SLC39A11: variants seen among roughly 807,000 people sequenced by gnomAD.
The protein encoded by SLC39A11 is zinc transporter ZIP11.
SLC39A11 carries 33 observed loss-of-function variants against 36.1 expected under a neutral mutation model. The observed-to-expected ratio is 0.91, with a 90% CI of 0.69 to 1.22. SLC39A11 has a LOEUF of 1.22. SLC39A11 is among the 50% of genes most tolerant of loss of function. The pLI is 0.00. For synonymous variants in SLC39A11, 166 were observed against 170.3 expected, an observed-to-expected ratio of 0.97 and a Z score of 0.20; for missense variants, 432 against 430.3, an observed-to-expected ratio of 1.00 and a Z score of -0.03.
chr17:72,869,255 A>T (rs528292666), intron 5 of SLC39A11, among the ~76,000 whole-genome samples: 1 of 152,366 alleles, frequency 6.6e-6, no homozygotes, highest in Non-Finnish European at 1.5e-5. Context: ...GCTTTTGACA[A>T]GGTGTCCATC....
chr17:72,763,901 G>A (rs1472458819), intron 6 of SLC39A11, among the ~76,000 whole-genome samples: 1 of 152,114 alleles, frequency 6.6e-6, no homozygotes, highest in Non-Finnish European at 1.5e-5. Flanking sequence ...CCATCCAGAT[G>A]AACCCAGCTC....
chr17:72,662,309 A>G (rs2070463591), intron 7 of SLC39A11, among the ~76,000 whole-genome samples: 1 of 151,238 alleles, frequency 6.6e-6, no homozygotes, highest in Non-Finnish European at 1.5e-5. Flanking sequence ...GGAAAGGAAG[A>G]AAGAAAAGAG....
At chr17:72,951,777 G>A (rs2085881487) in intron 4 of SLC39A11, among the ~76,000 whole-genome samples, 2 of 152,042 alleles carry the variant, frequency 1.3e-5, no homozygotes, top group South Asian at 4.1e-4. Flanking sequence ...ATTATTAACT[G>A]TAAAGACAGT....
chr17:72,789,264 A>T (rs1598742781), intron 6 of SLC39A11, among the ~76,000 whole-genome samples: 1 of 151,978 alleles, frequency 6.6e-6, no homozygotes. Context: ...CAAACTCCTG[A>T]CCTCGTGATC....
intron 5 of SLC39A11, among the ~76,000 whole-genome samples, chr17:72,904,512 C>T (rs1373041532): frequency 2.2e-4 from 33 of 152,206 alleles, no homozygotes; most frequent in Admixed American, 2.2e-3. Context: ...GACACAGCCA[C>T]TCTGAGCAGG....
At chr17:72,970,535 T>C (rs8067474) in intron 4 of SLC39A11, among the ~76,000 whole-genome samples, 8,812 of 152,142 alleles carry the variant, frequency 0.058, 275 homozygotes, top group African/African-American at 0.078. Context: ...AGAAAACATA[T>C]AATAAGCCCC....
chr17:72,915,670 C>T lies in SLC39A11; in HGVS notation c.430+32082G>A, dbSNP rs569985385. Reference sequence around the variant, plus strand: ...CGGGTGTTTAGCTCATATGCTAGCACCTTGGGAATCCTGGCAGTGGGCGAA... The same window carrying T: ...CGGGTGTTTAGCTCATATGCTAGCATCTTGGGAATCCTGGCAGTGGGCGAA... On this transcript the variant is annotated intron_variant, in intron 5 of 9. Coordinates refer to ENST00000255559, the MANE Select transcript of SLC39A11 (RefSeq NM_139177.4). 6.3e-4 allele frequency among the ~76,000 whole-genome samples: 96 copies of T among 152,338 alleles called. No homozygotes were observed. In the South Asian group the frequency reaches 0.019, roughly 31 times the overall value.
intron 3 of SLC39A11, among the ~76,000 whole-genome samples, chr17:73,081,626 T>A (rs60974031): frequency 4.6e-5 from 5 of 108,452 alleles, no homozygotes; most frequent in Non-Finnish European, 8.6e-5. Context: ...TATATATATA[T>A]ATACATACAC....
chr17:72,897,778 C>T (rs1459768914), intron 5 of SLC39A11, among the ~76,000 whole-genome samples: 1 of 152,160 alleles, frequency 6.6e-6, no homozygotes, highest in Non-Finnish European at 1.5e-5. Context: ...AAAACAAAAA[C>T]AGGCGGCAAG....
intron 5 of SLC39A11, among the ~76,000 whole-genome samples, chr17:72,885,172 G>A (rs531676022): frequency 6.0e-4 from 91 of 152,258 alleles, no homozygotes; most frequent in African/African-American, 2.1e-3. Context: ...TCAGCTTATA[G>A]GTTTTCCCTG....
At chr17:72,728,799 G>A (rs2074037450) in intron 7 of SLC39A11, among the ~76,000 whole-genome samples, 1 of 152,078 alleles carries the variant, frequency 6.6e-6, no homozygotes, top group African/African-American at 2.4e-5. Context: ...TGTGTAAATG[G>A]AGTCCTTCTT....
intron 6 of SLC39A11, among the ~76,000 whole-genome samples, chr17:72,785,685 C>T (rs1047290552): frequency 6.6e-6 from 1 of 152,100 alleles, no homozygotes; most frequent in East Asian, 1.9e-4. Context: ...TGGCCACCAC[C>T]GGGAGGGTGG....
intron 7 of SLC39A11, among the ~76,000 whole-genome samples, chr17:72,699,806 C>T (rs573018658): frequency 1.9e-4 from 29 of 152,262 alleles, no homozygotes; most frequent in African/African-American, 6.3e-4. Flanking sequence ...TTAACTCCAC[C>T]GCATGTGATT....
chr17:73,059,536 G>A (rs572875141), intron 3 of SLC39A11, among the ~76,000 whole-genome samples: 3 of 151,864 alleles, frequency 2.0e-5, no homozygotes, highest in East Asian at 1.9e-4. Flanking sequence ...GCATGGGGGC[G>A]GCTGCCACCT....
chr17:72,655,682 C>A (rs1419482855), intron 7 of SLC39A11, among the ~76,000 whole-genome samples: 2 of 152,210 alleles, frequency 1.3e-5, no homozygotes, highest in Admixed American at 6.5e-5. Context: ...CATCAGGAGC[C>A]TGCAACCGGG....
At chr17:72,782,395 A>G (rs184700114) in intron 6 of SLC39A11, among the ~76,000 whole-genome samples, 1 of 152,128 alleles carries the variant, frequency 6.6e-6, no homozygotes, top group Non-Finnish European at 1.5e-5. Context: ...TAAGCCACCC[A>G]GTTTGCAGTA....
At chr17:72,885,870 G>A (rs913479727) in intron 5 of SLC39A11, among the ~76,000 whole-genome samples, 1 of 152,148 alleles carries the variant, frequency 6.6e-6, no homozygotes, top group African/African-American at 2.4e-5. Context: ...AATGTAATTG[G>A]AGAGAAACCT....
At chr17:72,879,200 G>C (rs558724920) in intron 5 of SLC39A11, among the ~76,000 whole-genome samples, 1 of 152,164 alleles carries the variant, frequency 6.6e-6, no homozygotes, top group Non-Finnish European at 1.5e-5. Context: ...TTATGGAGGC[G>C]TCATGATTTA....
At chr17:72,677,282 A>G (rs2071309493) in intron 7 of SLC39A11, among the ~76,000 whole-genome samples, 1 of 152,172 alleles carries the variant, frequency 6.6e-6, no homozygotes, top group South Asian at 2.1e-4. Context: ...TCCAGGGCCA[A>G]AGATGACAGT....
Sources: gnomAD v4.1 joint callset for allele counts (sites outside exome capture counted in the v4.1 genomes callset) on GRCh38, gnomAD v4.1.1 for gene constraint, MANE v1.5 for transcripts, NCBI Gene and HGNC (gene_info 2026-07-23, HGNC 2026-07-21) for gene names.